HKDC1: variants seen among roughly 807,000 people sequenced by gnomAD.
HKDC1 encodes hexokinase domain containing 1, also known as hexokinase HKDC1.
HKDC1 carries 66 observed loss-of-function variants against 96.6 expected under a neutral mutation model. The ratio of observed to expected loss-of-function variants is 0.68; its 90% CI spans 0.56 to 0.84. The LOEUF (loss-of-function observed/expected upper bound fraction) is 0.84, where lower values mean the gene tolerates loss of function less well. Ranked by LOEUF, HKDC1 falls within the 40% of genes least tolerant of loss-of-function variation. The probability of loss-of-function intolerance (pLI) is 0.00; values close to 1 mark genes in which losing one functional copy is unlikely to be tolerated. For missense variants in HKDC1, 1,211 were observed against 1,208.1 expected (o/e 1.00, Z -0.04); for synonymous variants, 466 against 473.1 (o/e 0.98, Z 0.20).
chr10:69,242,140 C>T (rs182264071), intron 6 of HKDC1, among the ~76,000 whole-genome samples: 1 of 152,168 alleles, frequency 6.6e-6, no homozygotes, highest in Non-Finnish European at 1.5e-5. Context: ...CAAGACCCTC[C>T]TCAGCCTGGC....
At chr10:69,244,494 C>T (rs1230344768) in intron 7 of HKDC1, among the ~76,000 whole-genome samples, 1 of 152,178 alleles carries the variant, frequency 6.6e-6, no homozygotes, top group Non-Finnish European at 1.5e-5. Flanking sequence ...ATTTTATCAT[C>T]TTCACCCATT....
chr10:69,248,912 T>TA, intron 10 of HKDC1, 184 bp downstream of exon 10: 4 of 594,852 alleles, frequency 6.7e-6, no homozygotes, highest in Non-Finnish European at 8.6e-6. Context: ...GCATTTGCAG[T>TA]AAAAACAAAA....
chr10:69,227,437 G>A (rs1843178432), intron 2 of HKDC1, 68 bp downstream of exon 2: 1 of 1,570,982 alleles, frequency 6.4e-7, no homozygotes, highest in Non-Finnish European at 8.7e-7. Context: ...AAGTACCTAA[G>A]GTTTGCCCCT....
chr10:69,230,166 A>C (rs1440687744), intron 2 of HKDC1, among the ~76,000 whole-genome samples: 1 of 152,188 alleles, frequency 6.6e-6, no homozygotes, highest in Non-Finnish European at 1.5e-5. Flanking sequence ...TTCTGACAGG[A>C]TCAAGTGCCT....
rs1388615479 is a variant in HKDC1 at position 69,248,849 on chromosome 10, G to A, written c.1570+121G>A. 8.2e-6 allele frequency: 7 copies of A among 855,476 alleles called. No homozygotes were observed. The Admixed American group carries it at 1.5e-4, about 18-fold the overall frequency. The allele number at this position is 855,476 out of a possible 1,614,324, so 53.0% of individuals were successfully genotyped here. ...TTCACGTCTCTAATGGAGGGCAAGA[G>A]TAAGAAGAAGGCTAGTATTCTTTCT... is the stretch of plus-strand genomic sequence containing the variant. On this transcript the variant is annotated intron_variant, in intron 10 of 17. Transcript: ENST00000354624.
intron 1 of HKDC1, among the ~76,000 whole-genome samples, chr10:69,224,851 C>G (rs527800612): frequency 6.6e-6 from 1 of 152,170 alleles, no homozygotes. Context: ...GTTTGTGTGT[C>G]TCTCCAAAAG....
chr10:69,265,066 G>A lies in HKDC1; in HGVS notation c.2373-519G>A, dbSNP rs142615909. Among the ~76,000 whole-genome samples, 64 of 152,312 alleles carry A rather than the reference G, an allele frequency of 4.2e-4. No homozygotes were observed. The East Asian group carries it at 0.012, about 28-fold the overall frequency. ...CTGAAGATATAGTCTTACTGTCAAA[G>A]AGCAGAGAAATGAGAAAAAGGGAAG... On this transcript the variant is annotated intron_variant, in intron 16 of 17. Coordinates refer to ENST00000354624, the MANE Select transcript of HKDC1 (RefSeq NM_025130.4).
intron 9 of HKDC1, among the ~76,000 whole-genome samples, chr10:69,248,098 G>A (rs1248137648): frequency 1.3e-5 from 2 of 152,236 alleles, no homozygotes. Flanking sequence ...GGACTTGGAA[G>A]TCAAGTGGTT....
chr10:69,236,150 C>G (rs914430148), intron 4 of HKDC1, among the ~76,000 whole-genome samples: 6 of 151,054 alleles, frequency 4.0e-5, no homozygotes, highest in African/African-American at 1.5e-4. Flanking sequence ...GCTCTGTCGC[C>G]CAGGCTGGAG....
intron 15 of HKDC1, among the ~76,000 whole-genome samples, chr10:69,259,888 T>C (rs1388238624): frequency 6.6e-6 from 1 of 152,148 alleles, no homozygotes; most frequent in Non-Finnish European, 1.5e-5. Context: ...CCTCCTCCAA[T>C]ACTGGGGATT....
intron 7 of HKDC1, 140 bp from the exon 8 acceptor site, chr10:69,245,939 A>G: frequency 9.7e-7 from 1 of 1,026,424 alleles, no homozygotes; most frequent in South Asian, 1.6e-5. Context: ...CTTGCCATCC[A>G]GCACTTTGCG....
At position 69,266,832 on chromosome 10, in the gene HKDC1, C is replaced by G. The variant is rs3740601; in HGVS notation, c.*75C>G. ...CTCTGGCAGATCAGTTGGTCAGAGA[C>G]CAATGGGCACCCTCCTGGCTGACCT... On this transcript the variant is annotated 3_prime_UTR_variant, in exon 18 of 18. Transcript: ENST00000354624. The G allele has an allele frequency of 0.047, 68,153 of 1,460,946 alleles. 2,115 individuals are homozygous for G. Among genetic ancestry groups the G allele is most frequent in the South Asian group, 0.12 (8,781 of 73,942 alleles). The allele number at this position is 1,460,946 out of a possible 1,614,324, so 90.5% of individuals were successfully genotyped here.
At chr10:69,248,382 C>T in intron 9 of HKDC1, 42 bp from the exon 10 acceptor site, 1 of 1,524,826 alleles carries the variant, frequency 6.6e-7, no homozygotes, top group Middle Eastern at 1.8e-4. Context: ...CTGAGCCTGG[C>T]CTTTATGATT....
At position 69,224,433 on chromosome 10, in the gene HKDC1, G is replaced by A. The variant is rs139966855; in HGVS notation, c.64-2774G>A. Among the ~76,000 whole-genome samples the A allele has an allele frequency of 6.8e-3, 1,026 of 151,996 alleles. 14 individuals carry two copies. The highest frequency in any genetic ancestry group is 0.024 in the African/African-American group (982 of 41,470). ...GAAGTAGCTGGGACTACAGGCGCCC[G>A]CCACCACGCCTGGCTAATTTTTGTA... On this transcript the variant is annotated intron_variant, in intron 1 of 17. Transcript: ENST00000354624.
At chr10:69,250,695 C>T in intron 12 of HKDC1, 43 bp downstream of exon 12, 7 of 1,606,802 alleles carry the variant, frequency 4.4e-6, no homozygotes, top group Non-Finnish European at 5.9e-6. Context: ...CAGTGGGCTT[C>T]CTTCCTCTTC....
chr10:69,237,145 GGTAGGAGC>G (rs1843374078), intron 4 of HKDC1, among the ~76,000 whole-genome samples: 1 of 152,132 alleles, frequency 6.6e-6, no homozygotes. Context: ...GATTAAAGAA[GGTAGGAGC>G]GTGAGAATTC....
In HKDC1 at chr10:69,267,130, C is replaced by G; in HGVS notation, c.*373C>G. 4.5e-6 allele frequency: 1 copy of G among 224,280 alleles called. No individual in the cohort carries two copies. Among genetic ancestry groups the G allele is most frequent in the South Asian group, 7.1e-5 (1 of 14,026 alleles). The allele number at this position is 224,280 out of a possible 1,614,324, so 13.9% of individuals were successfully genotyped here. ...CCCATGTGGCTGGCAGGCTGTTTCC[C>G]CATTGGGATGCTTAAGCCATCTCTT... On this transcript the variant is annotated 3_prime_UTR_variant, in exon 18 of 18. Transcript: ENST00000354624.
At chr10:69,232,693 C>T in intron 2 of HKDC1, 71 bp from the exon 3 acceptor site, 5 of 1,393,858 alleles carry the variant, frequency 3.6e-6, no homozygotes, top group African/African-American at 1.4e-5. Context: ...ATATGTCCAA[C>T]CTCTAATGCA....
intron 7 of HKDC1, among the ~76,000 whole-genome samples, chr10:69,245,624 C>T (rs1438605223): frequency 3.4e-5 from 5 of 147,190 alleles, no homozygotes; most frequent in Non-Finnish European, 7.6e-5. Flanking sequence ...AATAGTCTGC[C>T]TGGGAAACAA....
Sources: gnomAD v4.1 joint callset for allele counts (sites outside exome capture counted in the v4.1 genomes callset) on GRCh38, gnomAD v4.1.1 for gene constraint, MANE v1.5 for transcripts, NCBI Gene and HGNC (gene_info 2026-07-23, HGNC 2026-07-21) for gene names.